Variants in NEGR1 observed in about 807,000 individuals in gnomAD.
NEGR1 encodes neuronal growth regulator 1.
NEGR1 carries 10 observed loss-of-function variants against 40.9 expected under a neutral mutation model. The observed-to-expected ratio is 0.24, with a 90% confidence interval of 0.15 to 0.42. The LOEUF (loss-of-function observed/expected upper bound fraction) is 0.42. Ranked by LOEUF, NEGR1 falls within the 10% of genes least tolerant of loss-of-function variation. NEGR1 has a pLI of 1.00. For synonymous variants in NEGR1, 185 were observed against 166.8 expected, an observed-to-expected ratio of 1.11 and a Z score of -0.84; for missense variants, 352 against 438.9, an observed-to-expected ratio of 0.80 and a Z score of 1.77.
chr1:71,458,801 A>C (rs1255095871), intron 6 of NEGR1, among the ~76,000 whole-genome samples: 1 of 152,230 alleles, frequency 6.6e-6, no homozygotes. Flanking sequence ...ATATATTTAT[A>C]TTGAACACAG....
In NEGR1 at chr1:71,399,381, C is replaced by T. The variant is rs1020628087; in HGVS notation, c.*8065G>A. 1.3e-5 allele frequency: 2 copies of T among 151,930 alleles called. No individual in the cohort carries two copies. The highest frequency in any genetic ancestry group is 2.9e-5 in the Non-Finnish European group (2 of 67,974). The allele number at this position is 151,930 out of a possible 1,614,324, so 9.4% of individuals were successfully genotyped here. ...GTTTATCAACAAGAAAAATGTATTACAAGAAATTAATTTATTCCAAATTTT... is the reference window on the plus strand; with the variant it reads ...GTTTATCAACAAGAAAAATGTATTATAAGAAATTAATTTATTCCAAATTTT... On this transcript the variant is annotated 3_prime_UTR_variant, in exon 7 of 7. Coordinates refer to ENST00000357731, the MANE Select transcript of NEGR1 (RefSeq NM_173808.3).
chr1:71,885,347 C>A (rs938525000), intron 2 of NEGR1, among the ~76,000 whole-genome samples: 2 of 152,188 alleles, frequency 1.3e-5, no homozygotes, highest in Non-Finnish European at 2.9e-5. Context: ...AATTAAGAAA[C>A]CCTGCATAAG....
chr1:72,199,150 CAGAG>C (rs34602311), intron 1 of NEGR1, among the ~76,000 whole-genome samples: 5,532 of 115,144 alleles, frequency 0.048, 130 homozygotes, highest in African/African-American at 0.075. Context: ...GATAGACAGA[CAGAG>C]AGAGAGAGAG....
intron 6 of NEGR1, among the ~76,000 whole-genome samples, chr1:71,412,413 C>T (rs929009025): frequency 6.6e-6 from 1 of 152,132 alleles, no homozygotes; most frequent in Admixed American, 6.6e-5. Flanking sequence ...TACCTGACTT[C>T]AGAAATGTTT....
At chr1:71,645,569 G>A (rs1041659334) in intron 4 of NEGR1, among the ~76,000 whole-genome samples, 2 of 151,732 alleles carry the variant, frequency 1.3e-5, no homozygotes, top group Non-Finnish European at 2.9e-5. Flanking sequence ...ATGCAGTAAC[G>A]AATAAGTGAA....
At chr1:72,070,062 C>A (rs531922124) in intron 1 of NEGR1, among the ~76,000 whole-genome samples, 5 of 152,068 alleles carry the variant, frequency 3.3e-5, no homozygotes, top group African/African-American at 1.2e-4. Flanking sequence ...TAGTGAACCT[C>A]ATGTTACAGA....
intron 6 of NEGR1, among the ~76,000 whole-genome samples, chr1:71,492,242 A>T (rs1330309519): frequency 1.3e-5 from 2 of 152,172 alleles, no homozygotes; most frequent in African/African-American, 4.8e-5. Flanking sequence ...AGTTTCAGGT[A>T]TAAGAAAGAA....
At chr1:71,637,783 A>G (rs1027432674) in intron 4 of NEGR1, among the ~76,000 whole-genome samples, 3 of 152,012 alleles carry the variant, frequency 2.0e-5, no homozygotes, top group Non-Finnish European at 2.9e-5. Context: ...GGCGGTAGGC[A>G]TGGAGAAGGC....
rs1040381782 is a variant in NEGR1, at chr1:71,407,289, A to G, written c.*157T>C. The G allele has an allele frequency of 5.2e-6, 3 of 579,700 alleles. No individual in the cohort carries two copies. The highest frequency in any genetic ancestry group is 3.8e-5 in the African/African-American group (2 of 52,658). 35.9% of individuals were successfully genotyped at this position (579,700 alleles called of 1,614,324 possible). On this transcript the variant is annotated 3_prime_UTR_variant, in exon 7 of 7. Transcript: ENST00000357731. ...TAGCTAATCAAAAAAGAGTAGAATT[A>G]AAGTATTTACATAATGAGCAATTCT...
chr1:71,860,462 T>C (rs143417957), intron 2 of NEGR1, among the ~76,000 whole-genome samples: 18 of 152,146 alleles, frequency 1.2e-4, no homozygotes, highest in Admixed American at 2.6e-4. Flanking sequence ...TTAGACCACT[T>C]TATGTTTTGG....
At chr1:71,799,019 A>G (rs1051319294) in intron 2 of NEGR1, among the ~76,000 whole-genome samples, 9 of 151,676 alleles carry the variant, frequency 5.9e-5, no homozygotes. Flanking sequence ...TTTTGAGGGT[A>G]GGGGAAAAGA....
intron 1 of NEGR1, among the ~76,000 whole-genome samples, chr1:71,943,037 C>CAT (rs1015820729): frequency 8.1e-6 from 1 of 123,006 alleles, no homozygotes; most frequent in Non-Finnish European, 1.8e-5. Flanking sequence ...TACACACATA[C>CAT]ATATATATGT....
chr1:72,229,545 A>AAT (rs1028405469), intron 1 of NEGR1, among the ~76,000 whole-genome samples: 1 of 150,188 alleles, frequency 6.7e-6, no homozygotes, highest in African/African-American at 2.4e-5. Flanking sequence ...AAGTCTTGGC[A>AAT]ATATATATAA....
intron 6 of NEGR1, among the ~76,000 whole-genome samples, chr1:71,432,370 T>A (rs1473139126): frequency 6.6e-6 from 1 of 152,222 alleles, no homozygotes; most frequent in South Asian, 2.1e-4. Flanking sequence ...TACATAGTTT[T>A]TGCTATGGTT....
chr1:72,266,309 T>C (rs1317047503), intron 1 of NEGR1, among the ~76,000 whole-genome samples: 2 of 150,956 alleles, frequency 1.3e-5, no homozygotes, highest in East Asian at 1.9e-4. Flanking sequence ...TAAAAATGCA[T>C]ATGTACCATA....
At chr1:71,546,062 A>T (rs1647885592) in intron 6 of NEGR1, among the ~76,000 whole-genome samples, 1 of 151,746 alleles carries the variant, frequency 6.6e-6, no homozygotes, top group Non-Finnish European at 1.5e-5. Context: ...AAGGAAAAGT[A>T]ATATTTAGGA....
intron 1 of NEGR1, among the ~76,000 whole-genome samples, chr1:72,034,558 G>C (rs1646886119): frequency 6.6e-6 from 1 of 152,122 alleles, no homozygotes; most frequent in African/African-American, 2.4e-5. Flanking sequence ...ATGCCAAATA[G>C]ATAAAGCAGG....
intron 4 of NEGR1, among the ~76,000 whole-genome samples, chr1:71,612,144 C>A (rs1305119848): frequency 2.0e-5 from 3 of 152,198 alleles, no homozygotes; most frequent in Non-Finnish European, 4.4e-5. Flanking sequence ...ATGGCGTGAA[C>A]CCAGGGGGCA....
intron 1 of NEGR1, among the ~76,000 whole-genome samples, chr1:72,242,564 T>C (rs1172464727): frequency 6.6e-6 from 1 of 151,616 alleles, no homozygotes; most frequent in Admixed American, 6.6e-5. Flanking sequence ...AGTGAACATC[T>C]GAGGGGTTTA....
Sources: gnomAD v4.1 joint callset for allele counts (sites outside exome capture counted in the v4.1 genomes callset) on GRCh38, gnomAD v4.1.1 for gene constraint, MANE v1.5 for transcripts, NCBI Gene and HGNC (gene_info 2026-07-23, HGNC 2026-07-21) for gene names.